The following SNX13 variants were observed in gnomAD, a reference collection of about 807,000 sequenced individuals.
SNX13 encodes the protein sorting nexin-13.
A neutral mutation model predicts 133.6 loss-of-function variants in SNX13; 45 were observed. The observed-to-expected ratio is 0.34, with a 90% confidence interval of 0.27 to 0.43. The LOEUF is 0.43. Ranked by LOEUF, SNX13 falls within the 20% of genes least tolerant of loss-of-function variation. The pLI is 1.00. For synonymous variants in SNX13, 414 were observed against 373.9 expected (o/e 1.11, Z -1.24); for missense variants, 1,032 against 1,145.1 (o/e 0.90, Z 1.43).
At chr7:17,848,809 T>C (rs1474475697) in intron 11 of SNX13, among the ~76,000 whole-genome samples, 1 of 152,224 alleles carries the variant, frequency 6.6e-6, no homozygotes, top group Non-Finnish European at 1.5e-5. Flanking sequence ...AACAGCAGGC[T>C]GAGCAGTAAA....
At chr7:17,888,611 TA>T in intron 5 of SNX13, 1 of 461,484 alleles carries the variant, frequency 2.2e-6, no homozygotes, top group South Asian at 1.6e-5. Flanking sequence ...TTGGATGGCA[TA>T]AAAACTTAAA....
At position 17,866,299 on chromosome 7, in the gene SNX13, A is replaced by C. The variant is rs540921714; in HGVS notation, c.837+2108T>G. On this transcript the variant is annotated intron_variant, in intron 9 of 25. Transcript: ENST00000428135. ...GAACTCAAACAACTCAATAGGAAAA[A>C]AAAAAAAAGAATCCCATTAAAAATG... 7.8e-4 allele frequency among the ~76,000 whole-genome samples: 119 copies of C among 152,238 alleles called. 1 individual carries two copies. Among genetic ancestry groups the C allele is most frequent in the Non-Finnish European group, 1.4e-3 (93 of 68,000 alleles).
intron 18 of SNX13, among the ~76,000 whole-genome samples, chr7:17,818,970 A>T (rs576191200): frequency 2.6e-5 from 4 of 152,324 alleles, no homozygotes; most frequent in East Asian, 1.9e-4. Context: ...AGAAATGCAC[A>T]GTAGCTATTA....
chr7:17,825,257 A>ACTAGACTAG (rs1787762229), intron 17 of SNX13, among the ~76,000 whole-genome samples: 1 of 146,514 alleles, frequency 6.8e-6, no homozygotes, highest in Non-Finnish European at 1.5e-5. Context: ...AACTAGATTA[A>ACTAGACTAG]ACTAGACTAG....
At chr7:17,873,174 C>T (rs555093739) in intron 8 of SNX13, among the ~76,000 whole-genome samples, 1 of 152,288 alleles carries the variant, frequency 6.6e-6, no homozygotes, top group Admixed American at 6.5e-5. Flanking sequence ...TGAAGTTCCC[C>T]CGAAGCTTGG....
intron 1 of SNX13, among the ~76,000 whole-genome samples, chr7:17,937,458 G>A (rs1173824178): frequency 6.9e-6 from 1 of 144,200 alleles, no homozygotes; most frequent in African/African-American, 2.6e-5. Context: ...AGGTTGCAGT[G>A]AGCCAAGATC....
chr7:17,929,606 T>C (rs774540635), intron 1 of SNX13, among the ~76,000 whole-genome samples: 33 of 152,160 alleles, frequency 2.2e-4, no homozygotes, highest in Non-Finnish European at 3.5e-4. Flanking sequence ...TGAGAGCCAC[T>C]TTACATAAAA....
chr7:17,894,101 G>A lies in SNX13; in HGVS notation c.126-667C>T, dbSNP rs187742795. Among the ~76,000 whole-genome samples, 31 of 151,644 alleles carry A rather than the reference G, an allele frequency of 2.0e-4. No homozygotes were observed. The South Asian group carries it at 4.6e-3, about 22-fold the overall frequency. On this transcript the variant is annotated intron_variant, in intron 2 of 25. Coordinates refer to ENST00000428135, the MANE Select transcript of SNX13 (RefSeq NM_015132.5). ...GTGGCTCATCTGAGGTCAGGAGATC[G>A]AGACCACCCTGACCAACATGGTGAA...
chr7:17,907,689 A>G (rs1798544177), intron 1 of SNX13, among the ~76,000 whole-genome samples: 1 of 152,208 alleles, frequency 6.6e-6, no homozygotes, highest in South Asian at 2.1e-4. Context: ...GGTTTATCTG[A>G]TGCTGAGTCC....
intron 13 of SNX13, among the ~76,000 whole-genome samples, chr7:17,835,083 G>A (rs936438196): frequency 1.3e-5 from 2 of 151,766 alleles, no homozygotes; most frequent in Admixed American, 1.3e-4. Flanking sequence ...AACAAACACG[G>A]ATTTAAATCT....
intron 5 of SNX13, chr7:17,888,936 C>G (rs758083551): frequency 3.8e-6 from 1 of 266,464 alleles, no homozygotes; most frequent in Non-Finnish European, 7.5e-6. Flanking sequence ...ATTACTAGTT[C>G]AAATCTCTTC....
intron 20 of SNX13, among the ~76,000 whole-genome samples, chr7:17,807,555 G>A (rs953256347): frequency 2.0e-5 from 3 of 152,210 alleles, no homozygotes; most frequent in African/African-American, 7.2e-5. Context: ...ATGCTTAAAC[G>A]TTCCTGCCTG....
rs115330101 is a variant in SNX13, at chr7:17,814,784, T to C, written c.2064+50A>G. The C allele has an allele frequency of 2.1e-4, 288 of 1,367,402 alleles. 1 individual carries two copies. The African/African-American group carries it at 4.0e-3, about 19-fold the overall frequency. The allele number at this position is 1,367,402 out of a possible 1,614,324, so 84.7% of individuals were successfully genotyped here. A position where few individuals can be genotyped will look rare whatever the true frequency, so the allele number is the denominator to read the frequency against. On this transcript the variant is annotated intron_variant, in intron 20 of 25. Coordinates refer to ENST00000428135, the MANE Select transcript of SNX13 (RefSeq NM_015132.5). ...TTATTTTCTTTTATTACAAACAAAG[T>C]AAGAAAACAGACCTAGAAAGAAACC...
chr7:17,909,223 G>A (rs1798697030), intron 1 of SNX13, among the ~76,000 whole-genome samples: 1 of 152,136 alleles, frequency 6.6e-6, no homozygotes, highest in Non-Finnish European at 1.5e-5. Flanking sequence ...ATGAGGTTGT[G>A]GAGAAAAAGG....
At chr7:17,878,584 C>T (rs896133062) in intron 5 of SNX13, among the ~76,000 whole-genome samples, 2 of 152,118 alleles carry the variant, frequency 1.3e-5, no homozygotes. Flanking sequence ...CCATCGTATC[C>T]CTCGCCACCA....
chr7:17,881,237 A>AACACACACACACACAC (rs58667084), intron 5 of SNX13: 2 of 148,370 alleles, frequency 1.3e-5, no homozygotes, highest in African/African-American at 5.0e-5. Flanking sequence ...CTATATGTAC[A>AACACACACACACACAC]ACACACACAC....
At chr7:17,872,654 G>A (rs544535985) in intron 8 of SNX13, among the ~76,000 whole-genome samples, 69 of 152,254 alleles carry the variant, frequency 4.5e-4, no homozygotes, top group African/African-American at 1.4e-3. Context: ...CCCAAGCTAG[G>A]TAGATGTTAG....
Position 17,873,461 on chromosome 7 carries a change from C to CG in SNX13, c.753+66_753+67insC. 4.0e-6 allele frequency: 4 copies of CG among 1,004,456 alleles called. 1 individual carries two copies. The highest frequency in any genetic ancestry group is 2.5e-6 in the Non-Finnish European group (2 of 795,532). 62.2% of individuals were successfully genotyped at this position (1,004,456 alleles called of 1,614,324 possible). A position where few individuals can be genotyped will look rare whatever the true frequency, so the allele number is the denominator to read the frequency against. ...TTAAGAGTGTAACAGGGTCTTAAGA[C>CG]AAAAATTTTGAAAACTACTGCTCTA... On this transcript the variant is annotated intron_variant, in intron 8 of 25. Coordinates refer to ENST00000428135, the MANE Select transcript of SNX13 (RefSeq NM_015132.5).
chr7:17,933,879 A>G (rs568911341), intron 1 of SNX13, among the ~76,000 whole-genome samples: 1 of 152,116 alleles, frequency 6.6e-6, no homozygotes, highest in Non-Finnish European at 1.5e-5. Flanking sequence ...CCATCATCTT[A>G]TATGATCTTC....
Sources: allele counts gnomAD v4.1 joint callset (sites outside exome capture counted in the v4.1 genomes callset), GRCh38; gene constraint gnomAD v4.1.1; transcripts MANE v1.5; gene names NCBI Gene and HGNC (gene_info 2026-07-23, HGNC 2026-07-21).